The following NCKAP5 variants were observed in gnomAD, a reference collection of about 807,000 sequenced individuals.
NCKAP5 encodes the protein NCK associated protein 5, also known as nck-associated protein 5.
A neutral mutation model predicts 167.0 loss-of-function variants in NCKAP5; 92 were observed. The ratio of observed to expected loss-of-function variants is 0.55; its 90% CI spans 0.47 to 0.66. NCKAP5 has a LOEUF of 0.66. Ranked by LOEUF, NCKAP5 falls within the 30% of genes least tolerant of loss-of-function variation. The pLI, the probability that NCKAP5 is intolerant of heterozygous loss-of-function variation, is 0.00. For missense variants in NCKAP5, 2,378 were observed against 2,315.0 expected, an observed-to-expected ratio of 1.03 and a Z score of -0.56; for synonymous variants, 891 against 877.4, an observed-to-expected ratio of 1.02 and a Z score of -0.27.
intron 19 of NCKAP5, among the ~76,000 whole-genome samples, chr2:132,697,037 G>GC (rs60907687): frequency 1 from 152,319 of 152,320 alleles, 76,159 homozygotes; most frequent in Middle Eastern, 1. Context: ...ACAGGCATGT[G>GC]CACCATACCC....
chr2:132,774,847 A>G (rs1416619632), intron 15 of NCKAP5, among the ~76,000 whole-genome samples: 1 of 152,230 alleles, frequency 6.6e-6, no homozygotes, highest in Admixed American at 6.5e-5. Flanking sequence ...TTTATTTTAG[A>G]GATGAAGACC....
intron 8 of NCKAP5, among the ~76,000 whole-genome samples, chr2:132,895,154 AC>A (rs1229295699): frequency 8.6e-5 from 13 of 151,622 alleles, no homozygotes; most frequent in Admixed American, 7.2e-4. Context: ...ACACGGTGAA[AC>A]CCCGTCTCTA....
chr2:132,878,740 A>C, intron 9 of NCKAP5, 108 bp downstream of exon 9: 1 of 833,450 alleles, frequency 1.2e-6, no homozygotes, highest in East Asian at 2.4e-5. Context: ...TTGGAGGAGA[A>C]AATGCTGATG....
chr2:132,875,824 C>T (rs1034041139), intron 9 of NCKAP5, among the ~76,000 whole-genome samples: 4 of 152,112 alleles, frequency 2.6e-5, no homozygotes, highest in Non-Finnish European at 4.4e-5. Flanking sequence ...GGAGCAGTAG[C>T]GGTGAGGATG....
At chr2:133,549,291 A>AT (rs1042728549) in intron 2 of NCKAP5, among the ~76,000 whole-genome samples, 1 of 151,056 alleles carries the variant, frequency 6.6e-6, no homozygotes, top group Non-Finnish European at 1.5e-5. Flanking sequence ...CAGACTATAC[A>AT]TTTTTTTTCA....
chr2:133,040,777 A>T (rs1003605328), intron 6 of NCKAP5, among the ~76,000 whole-genome samples: 2 of 152,226 alleles, frequency 1.3e-5, no homozygotes, highest in Non-Finnish European at 2.9e-5. Flanking sequence ...AGAATGAGTT[A>T]CTTTACAAAA....
At chr2:133,252,611 C>A (rs2088403967) in intron 4 of NCKAP5, among the ~76,000 whole-genome samples, 1 of 152,146 alleles carries the variant, frequency 6.6e-6, no homozygotes, top group East Asian at 1.9e-4. Flanking sequence ...TCTGCCCTGT[C>A]ACTGATTTAG....
At chr2:132,994,088 C>A in intron 7 of NCKAP5, 64 bp downstream of exon 7, 2 of 1,248,980 alleles carry the variant, frequency 1.6e-6, no homozygotes, top group Non-Finnish European at 2.2e-6. Context: ...AGAGGACAAA[C>A]CTAGAGAAAT....
At chr2:133,487,940 T>C (rs754071445) in intron 3 of NCKAP5, among the ~76,000 whole-genome samples, 20 of 152,192 alleles carry the variant, frequency 1.3e-4, no homozygotes, top group Non-Finnish European at 2.2e-4. Context: ...CCATTTAGCA[T>C]GTAGGTAAAA....
At chr2:132,843,284 C>A (rs80201107) in intron 11 of NCKAP5, among the ~76,000 whole-genome samples, 2,196 of 152,130 alleles carry the variant, frequency 0.014, 46 homozygotes, top group African/African-American at 0.049. Flanking sequence ...CTGAAAGAAT[C>A]TTTGTGTTCT....
At chr2:133,021,016 G>A (rs1393990544) in intron 6 of NCKAP5, among the ~76,000 whole-genome samples, 27 of 152,112 alleles carry the variant, frequency 1.8e-4, no homozygotes, top group East Asian at 5.8e-4. Flanking sequence ...CTCTCTGCCC[G>A]GGAACACACA....
chr2:133,156,926 C>G (rs1236284260), intron 5 of NCKAP5, among the ~76,000 whole-genome samples: 1 of 152,152 alleles, frequency 6.6e-6, no homozygotes, highest in African/African-American at 2.4e-5. Context: ...TTACCATTCC[C>G]TCATATGAAC....
At chr2:133,429,089 C>A (rs1689993549) in intron 3 of NCKAP5, among the ~76,000 whole-genome samples, 1 of 152,078 alleles carries the variant, frequency 6.6e-6, no homozygotes, top group Admixed American at 6.6e-5. Context: ...CAGCACAACA[C>A]TGGAAAGATT....
At chr2:133,482,768 A>G (rs1054348113) in intron 3 of NCKAP5, among the ~76,000 whole-genome samples, 3 of 152,058 alleles carry the variant, frequency 2.0e-5, no homozygotes, top group African/African-American at 7.2e-5. Context: ...CAACAGTGTA[A>G]TAGAGTTCCC....
chr2:132,861,539 A>G (rs1460436009), intron 10 of NCKAP5, among the ~76,000 whole-genome samples: 2 of 152,160 alleles, frequency 1.3e-5, no homozygotes, highest in East Asian at 3.9e-4. Flanking sequence ...CAAGCAGAGA[A>G]CAAAGGTCTG....
At chr2:133,189,278 T>A (rs1460673711) in intron 5 of NCKAP5, among the ~76,000 whole-genome samples, 1 of 151,932 alleles carries the variant, frequency 6.6e-6, no homozygotes, top group African/African-American at 2.4e-5. Flanking sequence ...GCTCTGAAAT[T>A]GAGGCAATAA....
rs1271992954 is a variant in NCKAP5, at chr2:133,174,700, AT to A, written c.207+39015del. Among the ~76,000 whole-genome samples the A allele has an allele frequency of 7.9e-5, 8 of 100,980 alleles. 1 individual carries two copies. The South Asian group carries it at 2.5e-3, about 32-fold the overall frequency. The allele number at this position is 100,980 out of a possible 152,430, so 66.2% of individuals were successfully genotyped here. On this transcript the variant is annotated intron_variant, in intron 5 of 19. Coordinates refer to ENST00000409261, the MANE Select transcript of NCKAP5 (RefSeq NM_207363.3). ...GGCACAACAAAATATTCCAAGTAAC[AT>A]CTTTTTTTTTTTTTCTCCCCCCTGC...
intron 17 of NCKAP5, among the ~76,000 whole-genome samples, chr2:132,729,583 G>C (rs1690787409): frequency 6.6e-6 from 1 of 152,214 alleles, no homozygotes; most frequent in South Asian, 2.1e-4. Flanking sequence ...GGTGGGCTCT[G>C]AGAGTCTGCA....
At chr2:133,224,034 C>T (rs1157620384) in intron 4 of NCKAP5, among the ~76,000 whole-genome samples, 1 of 152,182 alleles carries the variant, frequency 6.6e-6, no homozygotes, top group Non-Finnish European at 1.5e-5. Context: ...TATCCACAGG[C>T]TTGTCCTTAA....
Sources: gnomAD v4.1 joint callset for allele counts (sites outside exome capture counted in the v4.1 genomes callset) on GRCh38, gnomAD v4.1.1 for gene constraint, MANE v1.5 for transcripts, NCBI Gene and HGNC (gene_info 2026-07-23, HGNC 2026-07-21) for gene names.